ERICH2: variants seen among roughly 807,000 people sequenced by gnomAD.
ERICH2 encodes the protein glutamate-rich protein 2.
A neutral mutation model predicts 17.4 loss-of-function variants in ERICH2; 17 were observed. That is an observed-to-expected ratio of 0.98 (90% CI 0.67 to 1.47). The LOEUF is 1.47. Among genes scored for constraint, ERICH2 ranks in the 40% most tolerant of loss-of-function variants. ERICH2 has a pLI of 0.00. For synonymous variants in ERICH2, 51 were observed against 61.1 expected (o/e 0.83, Z 0.77); for missense variants, 186 against 183.2 (o/e 1.01, Z -0.09).
At chr2:170,791,346 A>C (rs1346630896) in intron 2 of ERICH2, among the ~76,000 whole-genome samples, 1 of 152,168 alleles carries the variant, frequency 6.6e-6, no homozygotes, top group East Asian at 1.9e-4. Flanking sequence ...TTTTACCCTC[A>C]TGATGATGGG....
chr2:170,772,937 C>T, the ERICH2 span, among the ~76,000 whole-genome samples: 586 of 152,316 alleles, frequency 3.8e-3, 6 homozygotes, highest in African/African-American at 0.013. Context: ...TCCAATATTA[C>T]AAGAGAAATC....
intron 2 of ERICH2, among the ~76,000 whole-genome samples, chr2:170,789,143 T>A (rs1337178662): frequency 6.8e-6 from 1 of 146,882 alleles, no homozygotes; most frequent in African/African-American, 2.5e-5. Flanking sequence ...TTTTTTTTTT[T>A]AAGTAGAGAT....
chr2:170,770,608 C>T, the ERICH2 span: 1 of 155,214 alleles, frequency 6.4e-6, no homozygotes, highest in Non-Finnish European at 1.5e-5. Flanking sequence ...CAACTCAAGA[C>T]TTCTTTTTAC....
chr2:170,798,828 G>C (rs1243357135), exon 5 of ERICH2: 5 of 1,550,710 alleles, frequency 3.2e-6, no homozygotes, highest in Non-Finnish European at 4.4e-6. Context: ...GCAGTGGTGA[G>C]AGTAAAGGAG....
chr2:170,772,814 C>T, the ERICH2 span, among the ~76,000 whole-genome samples: 1 of 152,140 alleles, frequency 6.6e-6, no homozygotes, highest in South Asian at 2.1e-4. Flanking sequence ...AGCTAGCTAG[C>T]TATTTATTCA....
chr2:170,790,316 G>GA (rs1701257874), intron 2 of ERICH2, among the ~76,000 whole-genome samples: 1 of 151,746 alleles, frequency 6.6e-6, no homozygotes, highest in South Asian at 2.1e-4. Context: ...CCAACATGAT[G>GA]AAATCTCATC....
At chr2:170,798,184 G>A (rs1047696906) in intron 4 of ERICH2, 72 bp downstream of exon 9, 17 of 1,030,496 alleles carry the variant, frequency 1.6e-5, no homozygotes, top group Admixed American at 8.1e-5. Context: ...CCATTATCCC[G>A]GGAGATTGTC....
At chr2:170,780,246 CTTAG>C (rs1266161778), upstream of ERICH2, among the ~76,000 whole-genome samples, 4 of 152,070 alleles carry the variant, frequency 2.6e-5, no homozygotes, top group African/African-American at 4.8e-5. Flanking sequence ...ACCTGTTTTT[CTTAG>C]TTAGGGGCTT....
At chr2:170,770,858 C>A in the ERICH2 span, 1 of 147,094 alleles carries the variant, frequency 6.8e-6, no homozygotes, top group Non-Finnish European at 1.5e-5. Context: ...CCCGGACCCG[C>A]CTCCCAGCCC....
intron 2 of ERICH2, among the ~76,000 whole-genome samples, chr2:170,788,730 G>A (rs769754626): frequency 6.6e-6 from 1 of 151,880 alleles, no homozygotes; most frequent in Non-Finnish European, 1.5e-5. Flanking sequence ...ACCTCCCTTG[G>A]CCTCCCAAAG....
chr2:170,774,480 GAAGTT>G, the ERICH2 span, among the ~76,000 whole-genome samples: 1 of 151,846 alleles, frequency 6.6e-6, no homozygotes. Context: ...GAATCTTAAA[GAAGTT>G]AAGTGACTTC....
chr2:170,772,336 G>A, the ERICH2 span, among the ~76,000 whole-genome samples: 1 of 152,188 alleles, frequency 6.6e-6, no homozygotes, highest in South Asian at 2.1e-4. Context: ...CAATAGTATA[G>A]GAGGAGGAGT....
At chr2:170,796,772 C>T (rs1180959314) in intron 3 of ERICH2, among the ~76,000 whole-genome samples, 2 of 152,020 alleles carry the variant, frequency 1.3e-5, no homozygotes, top group East Asian at 1.9e-4. Flanking sequence ...AGATGAAGAG[C>T]ACACTTGATG....
At chr2:170,780,902 T>C (rs143936092), upstream of ERICH2, among the ~76,000 whole-genome samples, 423 of 152,320 alleles carry the variant, frequency 2.8e-3, 1 homozygote, top group African/African-American at 9.7e-3. Context: ...AGTCTCACAA[T>C]CCTGGAAACT....
rs755185626 is a variant in ERICH2 at position 170,797,980 on chromosome 2, C to G, written c.275-61C>G. On this transcript the variant is annotated intron_variant, in intron 3 of 4. Transcript: ENST00000409885. Reference sequence around the variant, plus strand: ...GACAGTTCAATTTCATTCTAAGGAGCCTGTTTGCTGCAACACTGAACGTTA... The same window carrying G: ...GACAGTTCAATTTCATTCTAAGGAGGCTGTTTGCTGCAACACTGAACGTTA... The G allele has an allele frequency of 4.4e-5, 49 of 1,121,504 alleles. No individual in the cohort carries two copies. The Middle Eastern group carries it at 5.8e-4, about 13-fold the overall frequency. 69.5% of individuals were successfully genotyped at this position (1,121,504 alleles called of 1,614,324 possible). A position where few individuals can be genotyped will look rare whatever the true frequency, so the allele number is the denominator to read the frequency against.
At chr2:170,797,195 A>C (rs755465894) in intron 3 of ERICH2, among the ~76,000 whole-genome samples, 1 of 152,226 alleles carries the variant, frequency 6.6e-6, no homozygotes, top group Admixed American at 6.5e-5. Context: ...CAGTTCCCCT[A>C]TTGGAAAGAT....
At chr2:170,797,178 G>A (rs1427845178) in intron 3 of ERICH2, among the ~76,000 whole-genome samples, 2 of 152,162 alleles carry the variant, frequency 1.3e-5, no homozygotes, top group Non-Finnish European at 2.9e-5. Context: ...AGAGAAAGAA[G>A]TAACATCAGT....
At chr2:170,784,951 A>G in intron 2 of ERICH2, 118 bp downstream of exon 7, 1 of 845,496 alleles carries the variant, frequency 1.2e-6, no homozygotes, top group South Asian at 3.2e-5. Context: ...GAGGCAGAAC[A>G]TAGAATGGTG....
At chr2:170,798,403 C>G (rs1385712026) in intron 4 of ERICH2, among the ~76,000 whole-genome samples, 1 of 152,174 alleles carries the variant, frequency 6.6e-6, no homozygotes, top group Non-Finnish European at 1.5e-5. Context: ...GAATTACCCA[C>G]AATTCCAAGG....
Sources: allele counts gnomAD v4.1 joint callset (sites outside exome capture counted in the v4.1 genomes callset), GRCh38; gene constraint gnomAD v4.1.1; transcripts MANE v1.5; gene names NCBI Gene and HGNC (gene_info 2026-07-23, HGNC 2026-07-21).